SNX12: variants seen among roughly 807,000 people sequenced by gnomAD.
The protein encoded by SNX12 is sorting nexin-12.
For missense variants in SNX12, 62 were observed against 141.3 expected, an observed-to-expected ratio of 0.44 and a Z score of 2.84; for synonymous variants, 47 against 56.0, an observed-to-expected ratio of 0.84 and a Z score of 0.71.
Position 71,060,768 on chromosome X carries a change from A to AT in SNX12, c.*247dup. On this transcript the variant is annotated 3_prime_UTR_variant, in exon 4 of 4. Transcript: ENST00000374274. ...GCCCAAGAAATTGCCTTCCAGTCTA[A>AT]TCCCCCCACCCACCCACCCCAACCC... 2 of 91,370 alleles carry AT rather than the reference A, an allele frequency of 2.2e-5. No individual in the cohort carries two copies. The highest frequency in any genetic ancestry group is 2.1e-5 in the Non-Finnish European group (1 of 46,686). 7.5% of individuals were successfully genotyped at this position (91,370 alleles called of 1,213,427 possible). A position where few individuals can be genotyped will look rare whatever the true frequency, so the allele number is the denominator to read the frequency against.
At chrX:71,071,606 A>ATATAAATATATAATATTTATATATAT, upstream of SNX12, among the ~76,000 whole-genome samples, 2 of 62,534 alleles carry the variant, frequency 3.2e-5, no homozygotes, top group Non-Finnish European at 5.4e-5. Flanking sequence ...TATATATATT[A>ATATAAATATATAATATTTATATATAT]TATATAAATA....
At chrX:71,067,291 G>C (rs1412628516) in intron 1 of SNX12, among the ~76,000 whole-genome samples, 1 of 112,066 alleles carries the variant, frequency 8.9e-6, no homozygotes, top group African/African-American at 3.2e-5. Flanking sequence ...AGTAACTACA[G>C]ACCAGGGTCA....
intron 2 of SNX12, among the ~76,000 whole-genome samples, chrX:71,062,368 C>CTTTTTT (rs761195647): frequency 1.6e-3 from 113 of 71,343 alleles, no homozygotes; most frequent in African/African-American, 3.1e-3. Flanking sequence ...TTACCACTTT[C>CTTTTTT]TTTTTTTTTT....
intron 1 of SNX12, among the ~76,000 whole-genome samples, chrX:71,064,356 T>C (rs374050879): frequency 8.9e-6 from 1 of 112,335 alleles, no homozygotes; most frequent in East Asian, 2.8e-4. Context: ...CTGACAGTTA[T>C]ACTTTAGCAT....
upstream of SNX12, among the ~76,000 whole-genome samples, chrX:71,072,183 G>A (rs956917398): frequency 1.8e-5 from 2 of 108,792 alleles, no homozygotes; most frequent in Non-Finnish European, 3.8e-5. Flanking sequence ...GCTTGAACCC[G>A]GGAGGCGGAG....
intron 3 of SNX12, 76 bp downstream of exon 3, chrX:71,061,767 A>C (rs1264740832): frequency 1.2e-6 from 1 of 866,252 alleles, no homozygotes; most frequent in Non-Finnish European, 1.6e-6. Context: ...ATAAAATAAA[A>C]GGTGAGGTAA....
At chrX:71,061,709 G>C in intron 3 of SNX12, 134 bp downstream of exon 3, 1 of 570,540 alleles carries the variant, frequency 1.8e-6, no homozygotes. Context: ...CTCCAGCCTA[G>C]GTGACAGAGT....
chrX:71,068,610 C>G (rs192536742), upstream of SNX12, among the ~76,000 whole-genome samples: 4 of 113,115 alleles, frequency 3.5e-5, no homozygotes, highest in Non-Finnish European at 7.5e-5. Context: ...TGCCTAGCAG[C>G]ACAGGCTGGC....
intron 1 of SNX12, among the ~76,000 whole-genome samples, chrX:71,066,591 TAAAAAAA>T (rs34509177): frequency 2.7e-5 from 2 of 74,013 alleles, no homozygotes; most frequent in East Asian, 3.9e-4. Context: ...CTCCATCTCT[TAAAAAAA>T]AAAAAAAAAA....
chrX:71,065,962 G>A (rs911354731), intron 1 of SNX12, among the ~76,000 whole-genome samples: 26 of 106,698 alleles, frequency 2.4e-4, no homozygotes, highest in Non-Finnish European at 4.1e-4. Flanking sequence ...CTGGGTGACA[G>A]AGCGAGACTC....
upstream of SNX12, among the ~76,000 whole-genome samples, chrX:71,072,102 C>G (rs190121630): frequency 2.1e-4 from 23 of 109,777 alleles, no homozygotes; most frequent in Admixed American, 7.9e-4. Context: ...TACTAAAATA[C>G]GAAAAATTAG....
At position 71,061,137 on chromosome X, in the gene SNX12, G is replaced by A; in HGVS notation, c.387-19C>T. 1.8e-6 allele frequency: 2 copies of A among 1,128,930 alleles called. No individual in the cohort carries two copies. The highest frequency in any genetic ancestry group is 1.2e-6 in the Non-Finnish European group (1 of 823,484). The allele number at this position is 1,128,930 out of a possible 1,213,427, so 93.0% of individuals were successfully genotyped here. A position where few individuals can be genotyped will look rare whatever the true frequency, so the allele number is the denominator to read the frequency against. On this transcript the variant is annotated intron_variant, in intron 3 of 3. Coordinates refer to ENST00000374274, the MANE Select transcript of SNX12 (RefSeq NM_013346.4). ...AGCAATTCTATAAAGAAACCAGGATGGTTATCAGTAGTATTCAGAATCAGA... is the reference window on the plus strand; with the variant it reads ...AGCAATTCTATAAAGAAACCAGGATAGTTATCAGTAGTATTCAGAATCAGA...
At chrX:71,068,774 C>T (rs1350346578), upstream of SNX12, among the ~76,000 whole-genome samples, 1 of 112,043 alleles carries the variant, frequency 8.9e-6, no homozygotes, top group East Asian at 2.8e-4. Flanking sequence ...GAAGGGTGGT[C>T]TATGGAGGGT....
intron 1 of SNX12, 39 bp downstream of exon 1, chrX:71,068,103 C>T (rs896076005): frequency 1.8e-6 from 2 of 1,128,887 alleles, no homozygotes; most frequent in South Asian, 2.2e-5. Flanking sequence ...TCGCGCCGCC[C>T]GGTCCTCCCT....
intron 1 of SNX12, among the ~76,000 whole-genome samples, chrX:71,063,922 T>A (rs1051351949): frequency 6.3e-5 from 7 of 111,163 alleles, no homozygotes; most frequent in Admixed American, 2.9e-4. Flanking sequence ...TATGTGCCAG[T>A]ATGGAAAGAT....
In SNX12 at chrX:71,060,678, A is replaced by C; in HGVS notation, c.*338T>G. On this transcript the variant is annotated 3_prime_UTR_variant, in exon 4 of 4. Transcript: ENST00000374274. ...CCCTGAACTTGCAGCATCAGTATGT[A>C]TCCAAGTGCCTCACCAGCACAAGCG... 1 of 253,682 alleles carries C rather than the reference A, an allele frequency of 3.9e-6. No individual in the cohort carries two copies. Among genetic ancestry groups the C allele is most frequent in the East Asian group, 8.0e-5 (1 of 12,491 alleles). 20.9% of individuals were successfully genotyped at this position (253,682 alleles called of 1,213,427 possible).
Position 71,068,150 on chromosome X carries a change from G to A in SNX12, c.157C>T (p.Arg53Cys). The change falls in exon 1 of 4, where the codon CGC (arginine) becomes TGC (cysteine). Residue 53 changes from arginine to cysteine, a missense_variant. Transcript: ENST00000374274. ...GRARFTTYEV[R>C]MRTNLPIFKL... ...CTCACCCCGTGACTCACCCGCATGC[G>A]AACCTCATAGGTGGTGAAGCGCGCG... The A allele has an allele frequency of 8.3e-7, 1 of 1,199,992 alleles. No homozygotes were observed. The highest frequency in any genetic ancestry group is 1.1e-6 in the Non-Finnish European group (1 of 890,198).
rs1667481834 is a variant in SNX12, at chrX:71,061,926, C to T, written c.303G>A (p.Gln101=). The T allele has an allele frequency of 8.3e-7, 1 of 1,203,109 alleles. No homozygotes were observed. The highest frequency in any genetic ancestry group is 1.7e-5 in the African/African-American group (1 of 57,424). The change falls in exon 3 of 4, where the codon CAG becomes CAA. Residue 101 remains glutamine (Q), a synonymous_variant. Transcript: ENST00000374274. ...TCCCTTCATCTCCTCGGAAAGGGAG[C>T]TGCCGCTTCAAGGCTTTCCCAGGCA... The part of the protein sequence containing the change: ...PPLPGKALKR[Q]LPFRGDEGIF...
At position 71,068,191 on chromosome X, in the gene SNX12, G is replaced by A; in HGVS notation, c.116C>T (p.Thr39Met). The part of the protein sequence containing the change: ...FLEIDIFNPQ[T>M]VGVGRARFTT... ...GAAGCGCGCGCGTCCCACGCCCACC[G>A]TCTGAGGATTAAAGATGTCGATCTC... The change falls in exon 1 of 4, where the codon ACG (threonine) becomes ATG (methionine). Residue 39 changes from threonine (T) to methionine (M), a missense_variant. By Grantham distance (81) the Thr-to-Met change is moderately conservative. Transcript: ENST00000374274. The A allele has an allele frequency of 8.3e-7, 1 of 1,209,541 alleles. No individual in the cohort carries two copies. The highest frequency in any genetic ancestry group is 1.1e-6 in the Non-Finnish European group (1 of 894,663).
Sources: allele counts gnomAD v4.1 joint callset (sites outside exome capture counted in the v4.1 genomes callset), GRCh38; gene constraint gnomAD v4.1.1; transcripts MANE v1.5; gene names NCBI Gene and HGNC (gene_info 2026-07-23, HGNC 2026-07-21).